Variants in CHRNA7 observed in about 807,000 individuals in gnomAD.
The protein encoded by CHRNA7 is neuronal acetylcholine receptor subunit alpha-7.
In CHRNA7, 17 loss-of-function variants were observed where a neutral mutation model predicts 48.0. The observed-to-expected ratio is 0.35, with a 90% CI of 0.24 to 0.53. CHRNA7 has a LOEUF of 0.53. Among genes scored for constraint, CHRNA7 ranks in the 20% least tolerant of loss-of-function variants. The probability of loss-of-function intolerance (pLI) is 0.92; values close to 1 mark genes in which losing one functional copy is unlikely to be tolerated. For synonymous variants in CHRNA7, 75 were observed against 242.3 expected (o/e 0.31, Z 6.41); for missense variants, 155 against 577.7 (o/e 0.27, Z 7.50).
intron 5 of CHRNA7, among the ~76,000 whole-genome samples, chr15:32,154,855 C>A (rs2051704200): frequency 1.4e-5 from 1 of 72,484 alleles, no homozygotes. Context: ...CACCACTCAC[C>A]CCTCACACAC....
rs532234221 is a variant in CHRNA7 at position 32,065,892 on chromosome 15, C to A, written c.195+34855C>A. Among the ~76,000 whole-genome samples, 4 of 151,860 alleles carry A rather than the reference C, an allele frequency of 2.6e-5. No individual in the cohort carries two copies. The East Asian group carries it at 7.8e-4, about 30-fold the overall frequency. ...GCCTGGCTGTGTGTGGAAGGTGTGC[C>A]CCAGCACACAACACAGCCCACTGCG... On this transcript the variant is annotated intron_variant, in intron 2 of 9. Coordinates refer to ENST00000306901, the MANE Select transcript of CHRNA7 (RefSeq NM_000746.6).
At chr15:32,051,590 C>T (rs1477760186) in intron 2 of CHRNA7, among the ~76,000 whole-genome samples, 1 of 152,160 alleles carries the variant, frequency 6.6e-6, no homozygotes, top group African/African-American at 2.4e-5. Context: ...CTCCCTGACC[C>T]CTTGCACTTC....
intron 2 of CHRNA7, among the ~76,000 whole-genome samples, chr15:32,079,320 A>G (rs1194235216): frequency 6.6e-6 from 1 of 152,198 alleles, no homozygotes; most frequent in East Asian, 1.9e-4. Flanking sequence ...GGCAAGAGAA[A>G]GAAGTAGAGG....
intron 2 of CHRNA7, among the ~76,000 whole-genome samples, chr15:32,060,631 T>C (rs1429914427): frequency 6.6e-6 from 1 of 152,196 alleles, no homozygotes; most frequent in Non-Finnish European, 1.5e-5. Context: ...AATCACCATG[T>C]TGTGAATTGG....
At chr15:32,119,641 A>T (rs34969886) in intron 4 of CHRNA7, among the ~76,000 whole-genome samples, 10,506 of 152,242 alleles carry the variant, frequency 0.069, 392 homozygotes, top group South Asian at 0.088. Flanking sequence ...TTTAAAAAAA[A>T]ATATTTATTC....
In CHRNA7 at chr15:32,110,752, A is replaced by C. The variant is rs538185648; in HGVS notation, c.241-1038A>C. Among the ~76,000 whole-genome samples, 5 of 152,302 alleles carry C rather than the reference A, an allele frequency of 3.3e-5. No individual in the cohort carries two copies. In the South Asian group the frequency reaches 8.3e-4, roughly 25 times the overall value. ...TTGGTCTAAAATCAAATTGAAATCT[A>C]TGTGAATTGAGGCATTTATTTGTCT... On this transcript the variant is annotated intron_variant, in intron 3 of 9. Coordinates refer to ENST00000306901, the MANE Select transcript of CHRNA7 (RefSeq NM_000746.6).
chr15:32,052,600 A>C lies in CHRNA7; in HGVS notation c.195+21563A>C, dbSNP rs527714229. ...AAAAATTAGCTGGGGGTGATGGCGC[A>C]TGCCTGTAGTCCCAGCTACTCGGGA... is the stretch of plus-strand genomic sequence containing the variant. On this transcript the variant is annotated intron_variant, in intron 2 of 9. Transcript: ENST00000306901. Among the ~76,000 whole-genome samples the C allele has an allele frequency of 5.3e-4, 81 of 152,220 alleles. 1 individual carries two copies. Among genetic ancestry groups the C allele is most frequent in the African/African-American group, 1.9e-3 (78 of 41,560 alleles).
chr15:32,164,898 C>G (rs71237767), intron 9 of CHRNA7, among the ~76,000 whole-genome samples: 1,209 of 7,668 alleles, frequency 0.16, 56 homozygotes, highest in African/African-American at 0.24. Context: ...GGTGACAGAG[C>G]AAAACTCCAT....
intron 2 of CHRNA7, among the ~76,000 whole-genome samples, chr15:32,084,618 A>G (rs2050266011): frequency 6.6e-6 from 1 of 152,208 alleles, no homozygotes. Context: ...TCTTTAATAA[A>G]TGTGAATCAC....
chr15:32,031,508 A>G (rs1377224799), intron 2 of CHRNA7, among the ~76,000 whole-genome samples: 3 of 152,190 alleles, frequency 2.0e-5, no homozygotes, highest in Non-Finnish European at 4.4e-5. Context: ...TGGCGAATCT[A>G]TCCAGGCAGA....
At chr15:32,075,643 A>G (rs966168286) in intron 2 of CHRNA7, among the ~76,000 whole-genome samples, 1 of 151,988 alleles carries the variant, frequency 6.6e-6, no homozygotes. Context: ...TTTTTAGAGA[A>G]CCAGCTCTTT....
At chr15:32,042,724 G>A (rs2049471477) in intron 2 of CHRNA7, among the ~76,000 whole-genome samples, 1 of 152,178 alleles carries the variant, frequency 6.6e-6, no homozygotes, top group Non-Finnish European at 1.5e-5. Context: ...CTTGAGAGCA[G>A]AAGTTCATCC....
At chr15:32,098,821 A>G (rs1406167886) in intron 2 of CHRNA7, 1 of 150,446 alleles carries the variant, frequency 6.6e-6, no homozygotes, top group African/African-American at 2.5e-5. Context: ...ATATGTTGTT[A>G]TAAGTGTATC....
intron 2 of CHRNA7, among the ~76,000 whole-genome samples, chr15:32,051,519 TG>T (rs2049678799): frequency 6.6e-6 from 1 of 152,124 alleles, no homozygotes; most frequent in African/African-American, 2.4e-5. Flanking sequence ...AGTATTGGGG[TG>T]GGAGTGGCCC....
At chr15:32,114,521 C>G (rs1375940573) in intron 4 of CHRNA7, among the ~76,000 whole-genome samples, 1 of 152,162 alleles carries the variant, frequency 6.6e-6, no homozygotes, top group Non-Finnish European at 1.5e-5. Context: ...GTCCGCCAGG[C>G]TTCATCATGG....
intron 2 of CHRNA7, among the ~76,000 whole-genome samples, chr15:32,064,841 C>G (rs1275597867): frequency 1.3e-5 from 2 of 152,126 alleles, no homozygotes; most frequent in Non-Finnish European, 2.9e-5. Flanking sequence ...CTCATATTTC[C>G]TCTTCTGAGA....
intron 3 of CHRNA7, 101 bp downstream of exon 3, chr15:32,101,448 T>G: frequency 7.5e-7 from 1 of 1,336,630 alleles, no homozygotes; most frequent in Non-Finnish European, 1.0e-6. Flanking sequence ...AGGTCCTGTT[T>G]AGGAAAAAAA....
intron 2 of CHRNA7, among the ~76,000 whole-genome samples, chr15:32,091,651 T>TG (rs918749713): frequency 2.0e-5 from 3 of 152,012 alleles, no homozygotes; most frequent in African/African-American, 7.3e-5. Flanking sequence ...TAGAAGTAGG[T>TG]GGGGGGTTTG....
chr15:32,116,684 G>C (rs2050877536), intron 4 of CHRNA7, among the ~76,000 whole-genome samples: 1 of 152,190 alleles, frequency 6.6e-6, no homozygotes, highest in Non-Finnish European at 1.5e-5. Flanking sequence ...CTCTGCGGAT[G>C]CCCCTACACC....
Sources: allele counts gnomAD v4.1 joint callset (sites outside exome capture counted in the v4.1 genomes callset), GRCh38; gene constraint gnomAD v4.1.1; transcripts MANE v1.5; gene names NCBI Gene and HGNC (gene_info 2026-07-23, HGNC 2026-07-21).